TMEM269: variants seen among roughly 807,000 people sequenced by gnomAD.
TMEM269 encodes transmembrane protein 269.
Under a neutral mutation model 15.8 loss-of-function variants are expected in TMEM269, and 12 were observed. That is an observed-to-expected ratio of 0.76 (90% CI 0.49 to 1.23). The LOEUF is 1.23. Among genes scored for constraint, TMEM269 ranks in the 50% most tolerant of loss-of-function variants. The probability of loss-of-function intolerance (pLI) is 0.00; values close to 1 mark genes in which losing one functional copy is unlikely to be tolerated. For missense variants in TMEM269, 211 were observed against 245.4 expected, an observed-to-expected ratio of 0.86 and a Z score of 0.94; for synonymous variants, 93 against 99.3, an observed-to-expected ratio of 0.94 and a Z score of 0.38.
intron 5 of TMEM269, among the ~76,000 whole-genome samples, chr1:42,794,845 G>C (rs949745082): frequency 6.6e-5 from 10 of 152,164 alleles, no homozygotes; most frequent in Non-Finnish European, 1.2e-4. Flanking sequence ...CTAGAAGTGT[G>C]TCAGTCACAT....
intron 2 of TMEM269, 144 bp downstream of exon 2, chr1:42,790,078 G>C: frequency 1.6e-6 from 1 of 631,960 alleles, no homozygotes; most frequent in African/African-American, 1.8e-5. Context: ...GGAGTCAAGA[G>C]GCCAAGATCC....
rs1653855542 is a variant in TMEM269 at position 42,799,675 on chromosome 1, G to C, written c.*1450G>C. The C allele has an allele frequency of 6.6e-6, 1 of 152,162 alleles. No individual in the cohort carries two copies. Among genetic ancestry groups the C allele is most frequent in the Admixed American group, 6.5e-5 (1 of 15,280 alleles). 9.4% of individuals were successfully genotyped at this position (152,162 alleles called of 1,614,324 possible). A position where few individuals can be genotyped will look rare whatever the true frequency, so the allele number is the denominator to read the frequency against. On this transcript the variant is annotated 3_prime_UTR_variant, in exon 6 of 6. Transcript: ENST00000637012. ...TTGATTTAGTTGTGGATTCTAGTAA[G>C]TTACATACAAGGTTTCTATAATGTG...
Position 42,800,277 on chromosome 1 carries a change from C to T in TMEM269, c.*2052C>T, listed in dbSNP as rs1653866221. 1.3e-5 allele frequency: 2 copies of T among 152,116 alleles called. No individual in the cohort carries two copies. Among genetic ancestry groups the T allele is most frequent in the Admixed American group, 1.3e-4 (2 of 15,272 alleles). The allele number at this position is 152,116 out of a possible 1,614,324, so 9.4% of individuals were successfully genotyped here. Reference sequence around the variant, plus strand: ...CCGGTTAACAGAGGGATCTATGCTTCCTTGCACCTCTCTGAGAGTATGGTT... The same window carrying T: ...CCGGTTAACAGAGGGATCTATGCTTTCTTGCACCTCTCTGAGAGTATGGTT... On this transcript the variant is annotated 3_prime_UTR_variant, in exon 6 of 6. Transcript: ENST00000637012.
intron 1 of TMEM269, among the ~76,000 whole-genome samples, chr1:42,786,506 G>A (rs1004408109): frequency 6.6e-6 from 1 of 152,218 alleles, no homozygotes; most frequent in African/African-American, 2.4e-5. Flanking sequence ...GAGGAAGCTG[G>A]GAGAGCTGAG....
At chr1:42,789,650 C>A in intron 1 of TMEM269, 146 bp from the exon 2 acceptor site, 1 of 806,526 alleles carries the variant, frequency 1.2e-6, no homozygotes, top group Non-Finnish European at 2.0e-6. Context: ...CCTTCATCTA[C>A]CTCCTGTCTC....
At position 42,788,983 on chromosome 1, in the gene TMEM269, G is replaced by A. The variant is rs1653598813; in HGVS notation, c.-98-813G>A. On this transcript the variant is annotated intron_variant, in intron 1 of 5. Transcript: ENST00000637012. This position sits in a 1 kb window ranked among gnomAD's most constrained non-coding sequence, Gnocchi z 4.0. The stretch of plus-strand genomic sequence containing the variant: ...GTCACCCAGGCTGGAGTGCAGTGGT[G>A]TGATCTCGGCTCACTGCAACCTCTG... Among the ~76,000 whole-genome samples, 2 of 150,006 alleles carry A rather than the reference G, an allele frequency of 1.3e-5. No individual in the cohort carries two copies. Among genetic ancestry groups the A allele is most frequent in the African/African-American group, 2.5e-5 (1 of 40,726 alleles).
Position 42,798,267 on chromosome 1 carries a change from G to A in TMEM269, c.*42G>A. 2 of 1,539,382 alleles carry A rather than the reference G, an allele frequency of 1.3e-6. No individual in the cohort carries two copies. Among genetic ancestry groups the A allele is most frequent in the Non-Finnish European group, 1.7e-6 (2 of 1,146,718 alleles). ...TACCAGCTCCTGCCGGCCTCTGTGG[G>A]GTTTGTGTCAGCATATTGGGTCAAG... On this transcript the variant is annotated 3_prime_UTR_variant, in exon 6 of 6. Transcript: ENST00000637012.
intron 3 of TMEM269, 116 bp downstream of exon 3, chr1:42,793,018 C>T (rs1029120955): frequency 6.2e-6 from 5 of 811,450 alleles, no homozygotes; most frequent in Admixed American, 4.1e-5. Flanking sequence ...CCCCTGTTCA[C>T]ACCCCGCTGA....
chr1:42,790,596 CT>C (rs34731755), intron 2 of TMEM269, among the ~76,000 whole-genome samples: 102,002 of 136,986 alleles, frequency 0.74, 37,786 homozygotes, highest in African/African-American at 0.79. Flanking sequence ...TTTTAAGAAA[CT>C]TTTTTTTTTT....
intron 1 of TMEM269, 37 bp from the exon 2 acceptor site, chr1:42,789,759 C>T: frequency 8.3e-7 from 1 of 1,210,904 alleles, no homozygotes; most frequent in East Asian, 2.5e-5. Flanking sequence ...GACTCCTTAA[C>T]CTTGGGAACC....
rs1200804480 is a variant in TMEM269, at chr1:42,788,958, G to A, written c.-98-838G>A. On this transcript the variant is annotated intron_variant, in intron 1 of 5. Transcript: ENST00000637012. This position sits in a 1 kb window ranked among gnomAD's most constrained non-coding sequence, Gnocchi z 4.0. The stretch of plus-strand genomic sequence containing the variant: ...TTTTTTTTAGACAGAGTCTCACTCG[G>A]TCACCCAGGCTGGAGTGCAGTGGTG... 2.0e-5 allele frequency among the ~76,000 whole-genome samples: 3 copies of A among 150,204 alleles called. No individual in the cohort carries two copies. Among genetic ancestry groups the A allele is most frequent in the Non-Finnish European group, 3.0e-5 (2 of 67,770 alleles).
In TMEM269 at chr1:42,788,364, C is replaced by T. The variant is rs1263204189; in HGVS notation, c.-98-1432C>T. 1.3e-5 allele frequency among the ~76,000 whole-genome samples: 2 copies of T among 152,190 alleles called. No individual in the cohort carries two copies. Among genetic ancestry groups the T allele is most frequent in the African/African-American group, 4.8e-5 (2 of 41,458 alleles). ...TGTTTATTTCACTCAAGTGCAGGAT[C>T]TATTTGTGGCTGGTACATTTGCCCC... is the stretch of plus-strand genomic sequence containing the variant. On this transcript the variant is annotated intron_variant, in intron 1 of 5. Transcript: ENST00000637012. The surrounding 1 kb of genome is among the most constrained non-coding windows in gnomAD (Gnocchi z 4.0).
intron 1 of TMEM269, among the ~76,000 whole-genome samples, chr1:42,786,413 G>T (rs572107423): frequency 1.3e-5 from 2 of 152,230 alleles, no homozygotes; most frequent in Non-Finnish European, 2.9e-5. Flanking sequence ...GTGCTCAGGG[G>T]TGATGTCAGA....
In TMEM269 at chr1:42,789,925, G is replaced by C; in HGVS notation, c.32G>C (p.Ser11Thr). 6.4e-7 allele frequency: 1 copy of C among 1,550,388 alleles called. No individual in the cohort carries two copies. Among genetic ancestry groups the C allele is most frequent in the Non-Finnish European group, 8.7e-7 (1 of 1,146,822 alleles). MVLGLFSIIF[S>T]FSRKCHYASR... is the part of the protein sequence containing the mutation. ...CTGGGGCTCTTCTCCATCATCTTCA[G>C]CTTCAGCAGGTAGGTCTGGGGCCCA... Residue 11 changes from serine (S) to threonine (T), a missense_variant, in exon 2 of 6, where the codon AGC (serine) becomes ACC (threonine). By Grantham distance (58) the Ser-to-Thr change is moderately conservative. Transcript: ENST00000637012.
intron 1 of TMEM269, among the ~76,000 whole-genome samples, chr1:42,785,539 T>C (rs935159122): frequency 6.6e-6 from 1 of 152,058 alleles, no homozygotes; most frequent in East Asian, 1.9e-4. Context: ...CCGGTTTCCT[T>C]TTCTGCAGTT....
rs1653806258 is a variant in TMEM269, at chr1:42,797,337, T to A, written c.485-761T>A. Among the ~76,000 whole-genome samples, 1 of 151,704 alleles carries A rather than the reference T, an allele frequency of 6.6e-6. No homozygotes were observed. Among genetic ancestry groups the A allele is most frequent in the African/African-American group, 2.4e-5 (1 of 41,278 alleles). ...GAAACCAGGTGCAAGCTTCAGAGAG[T>A]CCTCTCCCAGTAGAGTCACACGAGA... On this transcript the variant is annotated intron_variant, in intron 5 of 5. Coordinates refer to ENST00000637012, the MANE Select transcript of TMEM269 (RefSeq NM_001354602.2). This position sits in a 1 kb window ranked among gnomAD's most constrained non-coding sequence, Gnocchi z 4.9.
At chr1:42,786,694 G>A (rs557606135) in intron 1 of TMEM269, among the ~76,000 whole-genome samples, 6 of 152,170 alleles carry the variant, frequency 3.9e-5, no homozygotes, top group Non-Finnish European at 7.4e-5. Context: ...TTAGTAGCCC[G>A]GTCGCCTCTT....
At chr1:42,789,268 G>T (rs989700464) in intron 1 of TMEM269, 16 of 602,338 alleles carry the variant, frequency 2.7e-5, no homozygotes, top group African/African-American at 9.3e-5. Context: ...TGGGAAGTAG[G>T]CCTGCTGTTC....
At position 42,793,686 on chromosome 1, in the gene TMEM269, G is replaced by C. The variant is rs1184927122; in HGVS notation, c.225G>C (p.Gly75=). 6.4e-7 allele frequency: 1 copy of C among 1,550,478 alleles called. No individual in the cohort carries two copies. The highest frequency in any genetic ancestry group is 1.4e-5 in the African/African-American group (1 of 73,054). Reference sequence around the variant, plus strand: ...TAGGCGTGGATGGACTTCTGAGTGGGATCCTGGCCATCATCTATGTGTCAG... The same window carrying C: ...TAGGCGTGGATGGACTTCTGAGTGGCATCCTGGCCATCATCTATGTGTCAG... ...LLLGVDGLLS[G]ILAIIYVSAA... Residue 75 remains glycine, a synonymous_variant, in exon 4 of 6, where the codon GGG becomes GGC. Coordinates refer to ENST00000637012, the MANE Select transcript of TMEM269 (RefSeq NM_001354602.2).
Sources: gnomAD v4.1 joint callset for allele counts (sites outside exome capture counted in the v4.1 genomes callset) on GRCh38, gnomAD v4.1.1 for gene constraint, Gnocchi (gnomAD v3.1) non-coding constraint, MANE v1.5 for transcripts, NCBI Gene and HGNC (gene_info 2026-07-23, HGNC 2026-07-21) for gene names.